Variants in NDUFAF2 observed in about 807,000 individuals in gnomAD.
The protein encoded by NDUFAF2 is NADH dehydrogenase [ubiquinone] 1 alpha subcomplex assembly factor 2.
A neutral mutation model predicts 22.8 loss-of-function variants in NDUFAF2; 13 were observed. The observed-to-expected ratio is 0.57, with a 90% CI of 0.37 to 0.91. NDUFAF2 has a LOEUF of 0.91. Ranked by LOEUF, NDUFAF2 falls within the 40% of genes least tolerant of loss-of-function variation. NDUFAF2 has a pLI of 0.01. For missense variants in NDUFAF2, 162 were observed against 195.2 expected (o/e 0.83, Z 1.01); for synonymous variants, 53 against 64.2 (o/e 0.83, Z 0.84).
intron 1 of NDUFAF2, among the ~76,000 whole-genome samples, chr5:61,051,309 C>G (rs1026989797): frequency 4.6e-5 from 7 of 152,254 alleles, no homozygotes; most frequent in East Asian, 3.9e-4. Flanking sequence ...CAGCACACAG[C>G]ATTTTCTTTC....
chr5:61,086,201 A>G (rs916656379), intron 2 of NDUFAF2, among the ~76,000 whole-genome samples: 15 of 152,158 alleles, frequency 9.9e-5, no homozygotes, highest in Non-Finnish European at 1.6e-4. Flanking sequence ...GAGATGTACA[A>G]TTTTCATAGA....
At chr5:61,095,711 A>G (rs992315887) in intron 2 of NDUFAF2, among the ~76,000 whole-genome samples, 2 of 152,066 alleles carry the variant, frequency 1.3e-5, no homozygotes, top group Non-Finnish European at 2.9e-5. Flanking sequence ...AGATCTCCTG[A>G]CTCAGGGTTG....
rs140450829 is a variant in NDUFAF2 at position 60,948,949 on chromosome 5, T to C, written c.127+3567T>C. Among the ~76,000 whole-genome samples, 461 of 152,324 alleles carry C rather than the reference T, an allele frequency of 3.0e-3. 1 individual carries two copies. The highest frequency in any genetic ancestry group is 0.024 in the Middle Eastern group (7 of 294). ...AGTTGTCCTATATCCTTATCAACAC[T>C]TGGTATGGTCAGTCTTTTTAATTTT... On this transcript the variant is annotated intron_variant, in intron 1 of 3. Coordinates refer to ENST00000296597, the MANE Select transcript of NDUFAF2 (RefSeq NM_174889.5).
intron 1 of NDUFAF2, among the ~76,000 whole-genome samples, chr5:60,975,980 C>A (rs2112575629): frequency 6.6e-6 from 1 of 152,278 alleles, no homozygotes; most frequent in African/African-American, 2.4e-5. Context: ...TTAGTCTTGT[C>A]AATTTGGTGC....
At chr5:61,005,296 C>A (rs1751351677) in intron 1 of NDUFAF2, among the ~76,000 whole-genome samples, 1 of 152,150 alleles carries the variant, frequency 6.6e-6, no homozygotes, top group African/African-American at 2.4e-5. Flanking sequence ...CATAGTGTTC[C>A]ATGGTGTATA....
chr5:61,073,064 A>G, intron 1 of NDUFAF2, 61 bp from the exon 2 acceptor site: 1 of 1,006,554 alleles, frequency 9.9e-7, no homozygotes. Flanking sequence ...TCAAAGATTA[A>G]TTGTAGAACT....
intron 1 of NDUFAF2, among the ~76,000 whole-genome samples, chr5:61,039,343 AC>A (rs748206300): frequency 1.3e-5 from 2 of 152,178 alleles, no homozygotes; most frequent in Non-Finnish European, 2.9e-5. Flanking sequence ...GAAGAATAGA[AC>A]ATCTATCAGA....
At chr5:61,090,495 C>T (rs1480766470) in intron 2 of NDUFAF2, among the ~76,000 whole-genome samples, 1 of 152,024 alleles carries the variant, frequency 6.6e-6, no homozygotes, top group Non-Finnish European at 1.5e-5. Flanking sequence ...ACTTGGCTTG[C>T]AGGCTATACT....
rs374444798 is a variant in NDUFAF2 at position 61,005,398 on chromosome 5, A to AC, written c.127+60017dup. Among the ~76,000 whole-genome samples the AC allele has an allele frequency of 4.5e-3, 693 of 152,320 alleles. 8 individuals are homozygous for AC. Among genetic ancestry groups the AC allele is most frequent in the Middle Eastern group, 0.01 (3 of 294 alleles). On this transcript the variant is annotated intron_variant, in intron 1 of 3. Transcript: ENST00000296597. ...TTGTGAATGGTGCCGCAGTAAACAT[A>AC]CGTGTGCATGTGTCTTTATAGCAGC...
chr5:61,140,445 G>A (rs746412597), intron 3 of NDUFAF2, among the ~76,000 whole-genome samples: 2 of 152,062 alleles, frequency 1.3e-5, no homozygotes, highest in Non-Finnish European at 2.9e-5. Flanking sequence ...TTTAAAATAT[G>A]GGATAAACAT....
At chr5:60,969,913 T>G (rs1359560822) in intron 1 of NDUFAF2, among the ~76,000 whole-genome samples, 1 of 152,102 alleles carries the variant, frequency 6.6e-6, no homozygotes, top group African/African-American at 2.4e-5. Context: ...TATTGAGAGA[T>G]AGGGGTCTAA....
intron 2 of NDUFAF2, 116 bp downstream of exon 2, chr5:61,073,330 C>G: frequency 1.3e-6 from 1 of 793,848 alleles, no homozygotes; most frequent in Non-Finnish European, 2.2e-6. Flanking sequence ...GTTTTAGTGT[C>G]TGAATGTTTG....
At chr5:61,120,708 G>T (rs1304222518) in intron 3 of NDUFAF2, among the ~76,000 whole-genome samples, 1 of 146,488 alleles carries the variant, frequency 6.8e-6, no homozygotes, top group Non-Finnish European at 1.5e-5. Context: ...AAAGTATACA[G>T]AATTAGTTCT....
intron 3 of NDUFAF2, chr5:61,145,907 G>T (rs940921924): frequency 1.3e-5 from 2 of 152,096 alleles, no homozygotes; most frequent in African/African-American, 4.8e-5. Context: ...TTTAGAAGGG[G>T]TTGACCTCAT....
chr5:60,951,092 C>T (rs908131848), intron 1 of NDUFAF2, among the ~76,000 whole-genome samples: 1 of 151,902 alleles, frequency 6.6e-6, no homozygotes, highest in East Asian at 1.9e-4. Context: ...TGCAGTAGTG[C>T]GATATTGGCT....
At chr5:61,017,266 C>A (rs1222969795) in intron 1 of NDUFAF2, among the ~76,000 whole-genome samples, 1 of 152,106 alleles carries the variant, frequency 6.6e-6, no homozygotes, top group African/African-American at 2.4e-5. Context: ...ATAAACACCT[C>A]AGACTCAGAG....
intron 1 of NDUFAF2, among the ~76,000 whole-genome samples, chr5:61,055,252 C>G (rs1194456833): frequency 6.6e-6 from 1 of 152,154 alleles, no homozygotes; most frequent in South Asian, 2.1e-4. Flanking sequence ...ATGTATGTAG[C>G]TTGTTGAAAT....
At chr5:61,070,414 T>C (rs1413904935) in intron 1 of NDUFAF2, among the ~76,000 whole-genome samples, 1 of 152,118 alleles carries the variant, frequency 6.6e-6, no homozygotes. Flanking sequence ...CAGTGATTTA[T>C]TGAGGAGATA....
At chr5:60,968,628 A>G (rs1223189712) in intron 1 of NDUFAF2, among the ~76,000 whole-genome samples, 2 of 151,996 alleles carry the variant, frequency 1.3e-5, no homozygotes, top group Non-Finnish European at 2.9e-5. Flanking sequence ...GTTACATGAG[A>G]TATTTTGATA....
Sources: allele counts gnomAD v4.1 joint callset (sites outside exome capture counted in the v4.1 genomes callset), GRCh38; gene constraint gnomAD v4.1.1; transcripts MANE v1.5; gene names NCBI Gene and HGNC (gene_info 2026-07-23, HGNC 2026-07-21).